CDH18: variants seen among roughly 807,000 people sequenced by gnomAD.
CDH18 encodes the protein cadherin-18.
In CDH18, 31 loss-of-function variants were observed where a neutral mutation model predicts 67.9. The ratio of observed to expected loss-of-function variants is 0.46; its 90% confidence interval spans 0.34 to 0.62. The LOEUF (loss-of-function observed/expected upper bound fraction) is 0.62. Ranked by LOEUF, CDH18 falls within the 20% of genes least tolerant of loss-of-function variation. The pLI, the probability that CDH18 is intolerant of heterozygous loss-of-function variation, is 0.01. For synonymous variants in CDH18, 362 were observed against 347.2 expected, an observed-to-expected ratio of 1.04 and a Z score of -0.48; for missense variants, 890 against 975.5, an observed-to-expected ratio of 0.91 and a Z score of 1.17.
intron 10 of CDH18, among the ~76,000 whole-genome samples, chr5:19,505,140 C>T (rs899552876): frequency 6.6e-6 from 1 of 151,820 alleles, no homozygotes; most frequent in African/African-American, 2.4e-5. Context: ...AAGAGAGAAA[C>T]TCCTTGTGAT....
chr5:19,546,052 G>T (rs1336467806), intron 8 of CDH18, among the ~76,000 whole-genome samples: 2 of 152,168 alleles, frequency 1.3e-5, no homozygotes, highest in Non-Finnish European at 2.9e-5. Context: ...ATGCAGCCAA[G>T]AAATGGCTTA....
In CDH18 at chr5:19,969,976, G is replaced by C. The variant is rs374706318; in HGVS notation, c.-257+11084C>G. Among the ~76,000 whole-genome samples, 14 of 152,102 alleles carry C rather than the reference G, an allele frequency of 9.2e-5. No individual in the cohort carries two copies. In the East Asian group the frequency reaches 2.5e-3, roughly 27 times the overall value. ...AGGAGTAGAACAGTATAAGACAGTG[G>C]AGAAGATCTGCTCATTGGTGGAAAT... On this transcript the variant is annotated intron_variant, in intron 2 of 12. Coordinates refer to ENST00000382275, the MANE Select transcript of CDH18 (RefSeq NM_004934.5).
intron 5 of CDH18, among the ~76,000 whole-genome samples, chr5:19,699,798 T>C (rs1242238113): frequency 2.6e-5 from 4 of 152,046 alleles, no homozygotes; most frequent in African/African-American, 9.7e-5. Flanking sequence ...CTGTGAGAAA[T>C]GTTTGTTGTT....
At chr5:19,488,513 C>G (rs973744145) in intron 11 of CDH18, among the ~76,000 whole-genome samples, 1 of 152,192 alleles carries the variant, frequency 6.6e-6, no homozygotes, top group African/African-American at 2.4e-5. Context: ...TACGGCTCAA[C>G]TTCCACCAGA....
intron 2 of CDH18, among the ~76,000 whole-genome samples, chr5:20,179,857 A>T (rs2126679256): frequency 6.6e-6 from 1 of 152,242 alleles, no homozygotes; most frequent in East Asian, 1.9e-4. Context: ...ATTGAGCACC[A>T]ATAGGTTCTG....
chr5:20,202,414 C>A (rs1010419206), intron 2 of CDH18, among the ~76,000 whole-genome samples: 3 of 152,102 alleles, frequency 2.0e-5, no homozygotes, highest in Non-Finnish European at 2.9e-5. Flanking sequence ...TTTTTCCCCT[C>A]AAAGTTGCTC....
chr5:19,608,680 T>G (rs1327363081), intron 6 of CDH18, among the ~76,000 whole-genome samples: 1 of 151,862 alleles, frequency 6.6e-6, no homozygotes, highest in Non-Finnish European at 1.5e-5. Context: ...CTAAACCAAC[T>G]GCAGTCACAA....
intron 5 of CDH18, among the ~76,000 whole-genome samples, chr5:19,676,529 T>C (rs577455975): frequency 6.6e-6 from 1 of 152,102 alleles, no homozygotes; most frequent in African/African-American, 2.4e-5. Flanking sequence ...TTCCTGATGA[T>C]CCACAGCTGT....
chr5:19,804,419 G>T (rs1777829049), intron 3 of CDH18, among the ~76,000 whole-genome samples: 1 of 151,920 alleles, frequency 6.6e-6, no homozygotes, highest in Admixed American at 6.6e-5. Context: ...ATAAAATATA[G>T]AAACTGACTG....
intron 1 of CDH18, among the ~76,000 whole-genome samples, chr5:20,363,718 AT>A (rs71647400): frequency 0.16 from 24,320 of 147,574 alleles, 2,057 homozygotes; most frequent in African/African-American, 0.18. Flanking sequence ...AGCAAAGTTA[AT>A]TTTTTTTTTT....
chr5:19,826,135 A>AG (rs35953576), intron 3 of CDH18, among the ~76,000 whole-genome samples: 83,777 of 151,886 alleles, frequency 0.55, 23,398 homozygotes, highest in Middle Eastern at 0.68. Flanking sequence ...ATAATCTCAG[A>AG]CTCAAAGACT....
At chr5:19,981,503 C>G (rs1799037070) in intron 1 of CDH18, among the ~76,000 whole-genome samples, 1 of 152,170 alleles carries the variant, frequency 6.6e-6, no homozygotes, top group Non-Finnish European at 1.5e-5. Flanking sequence ...TGAGGGCTTT[C>G]TTGCTGGGTC....
chr5:19,846,070 T>A (rs2150053655), intron 2 of CDH18, among the ~76,000 whole-genome samples: 1 of 152,214 alleles, frequency 6.6e-6, no homozygotes, highest in Non-Finnish European at 1.5e-5. Flanking sequence ...ATCTTGTAGC[T>A]ATTTTTATCC....
At chr5:19,920,074 TAGC>T (rs1579596231) in intron 2 of CDH18, among the ~76,000 whole-genome samples, 2 of 152,186 alleles carry the variant, frequency 1.3e-5, no homozygotes, top group African/African-American at 4.8e-5. Flanking sequence ...GTTAAAGTAA[TAGC>T]AGACACAACA....
In CDH18 at chr5:20,539,755, C is replaced by A. The variant is rs894043291; in HGVS notation, c.-580+35707G>T. ...CACTACACACACACACACACACACA[C>A]AAACACACACACACACACACACACA... On this transcript the variant is annotated intron_variant, in intron 1 of 14. Transcript: ENST00000507958. Among the ~76,000 whole-genome samples, 95 of 140,354 alleles carry A rather than the reference C, an allele frequency of 6.8e-4. 1 individual carries two copies. Among genetic ancestry groups the A allele is most frequent in the East Asian group, 3.0e-3 (14 of 4,662 alleles). 92.1% of individuals were successfully genotyped at this position (140,354 alleles called of 152,430 possible). A position where few individuals can be genotyped will look rare whatever the true frequency, so the allele number is the denominator to read the frequency against.
chr5:19,716,488 G>A (rs1042073695), intron 5 of CDH18, among the ~76,000 whole-genome samples: 9 of 151,894 alleles, frequency 5.9e-5, no homozygotes, highest in African/African-American at 1.4e-4. Flanking sequence ...TTATAATAAC[G>A]CCATGTCAAA....
chr5:20,024,601 T>TA (rs1311701206), intron 2 of CDH18, among the ~76,000 whole-genome samples: 6 of 151,988 alleles, frequency 3.9e-5, no homozygotes, highest in Non-Finnish European at 8.8e-5. Context: ...CATACGAGAA[T>TA]AAAAAAGAGA....
chr5:20,415,123 C>T (rs1170247149), intron 1 of CDH18, among the ~76,000 whole-genome samples: 4 of 152,044 alleles, frequency 2.6e-5, no homozygotes, highest in Admixed American at 6.5e-5. Flanking sequence ...GGGTGGCTCA[C>T]GCCTGTAATC....
chr5:20,430,480 G>A (rs936738704), intron 1 of CDH18, among the ~76,000 whole-genome samples: 8 of 152,048 alleles, frequency 5.3e-5, no homozygotes, highest in African/African-American at 1.2e-4. Context: ...GATCAGTGGA[G>A]CATCATGCTA....
Sources: allele counts gnomAD v4.1 joint callset (sites outside exome capture counted in the v4.1 genomes callset), GRCh38; gene constraint gnomAD v4.1.1; transcripts MANE v1.5; gene names NCBI Gene and HGNC (gene_info 2026-07-23, HGNC 2026-07-21).